Variants in MED13L observed in about 807,000 individuals in gnomAD.
MED13L encodes the protein mediator of RNA polymerase II transcription subunit 13-like.
In MED13L, 7 loss-of-function variants were observed where a neutral mutation model predicts 220.9. That is an observed-to-expected ratio of 0.03 (90% confidence interval 0.02 to 0.06). The LOEUF (loss-of-function observed/expected upper bound fraction) is 0.06, where lower values mean the gene tolerates loss of function less well. MED13L is among the 10% of genes least tolerant of loss of function. The pLI is 1.00. For synonymous variants in MED13L, 1,011 were observed against 1,015.2 expected (o/e 1.00, Z 0.08); for missense variants, 1,965 against 2,760.5 (o/e 0.71, Z 6.46).
At chr12:116,190,411 G>A (rs887626319) in intron 2 of MED13L, among the ~76,000 whole-genome samples, 4 of 152,288 alleles carry the variant, frequency 2.6e-5, no homozygotes, top group African/African-American at 9.6e-5. Context: ...CTTTGAAATA[G>A]TTTTCAAGTA....
At chr12:115,961,464 A>C (rs554800043) in intron 30 of MED13L, 66 bp from the exon 31 acceptor site, 1 of 1,591,478 alleles carries the variant, frequency 6.3e-7, no homozygotes, top group East Asian at 2.2e-5. Context: ...CTCAGATTCT[A>C]ATACATTCCA....
chr12:116,269,248 G>A (rs971134655), intron 1 of MED13L, among the ~76,000 whole-genome samples: 1 of 151,728 alleles, frequency 6.6e-6, no homozygotes, highest in African/African-American at 2.4e-5. Context: ...CAGTAGAGAC[G>A]GGGTTTCACC....
intron 2 of MED13L, among the ~76,000 whole-genome samples, chr12:116,117,576 T>G (rs914026421): frequency 6.6e-6 from 1 of 151,950 alleles, no homozygotes; most frequent in African/African-American, 2.4e-5. Context: ...TCAAAAGGAC[T>G]CCTACTCTAA....
At position 116,214,113 on chromosome 12, in the gene MED13L, CTAA is replaced by C. The variant is rs1306937280; in HGVS notation, c.310+23352_310+23354del. On this transcript the variant is annotated intron_variant, in intron 2 of 30. Transcript: ENST00000281928. ...AGCCATTTTCCTGTACTCTGCTGCT[CTAA>C]TACACTTGCTTTGCTTTCACTTAAA... is the stretch of plus-strand genomic sequence containing the variant. 5.3e-5 allele frequency among the ~76,000 whole-genome samples: 8 copies of C among 152,320 alleles called. No individual in the cohort carries two copies. The East Asian group carries it at 1.5e-3, about 29-fold the overall frequency.
At position 116,022,734 on chromosome 12, in the gene MED13L, GAGAAACTTCTAATTCAGTA is replaced by G. The variant is rs1880135135; in HGVS notation, c.480-152_480-134del. On this transcript the variant is annotated intron_variant, in intron 4 of 30. Transcript: ENST00000281928. ...GGCTGACTTCTAATTGTGGGCAAAA[GAGAAACTTCTAATTCAGTA>G]TTGACAAACTAAGCCATCAGATAAA... 9.6e-6 allele frequency: 9 copies of G among 938,132 alleles called. No individual in the cohort carries two copies. In the Admixed American group the frequency reaches 1.8e-4, roughly 19 times the overall value. The allele number at this position is 938,132 out of a possible 1,614,324, so 58.1% of individuals were successfully genotyped here. A position where few individuals can be genotyped will look rare whatever the true frequency, so the allele number is the denominator to read the frequency against.
intron 2 of MED13L, among the ~76,000 whole-genome samples, chr12:116,116,868 T>A (rs1874568773): frequency 6.7e-6 from 1 of 148,852 alleles, no homozygotes; most frequent in African/African-American, 2.5e-5. Context: ...TGAGAGTACA[T>A]GAGAAAAAGA....
At chr12:116,237,822 T>C in intron 1 of MED13L, 117 bp from the exon 2 acceptor site, 2 of 894,556 alleles carry the variant, frequency 2.2e-6, no homozygotes, top group African/African-American at 1.7e-5. Flanking sequence ...AAACTTCATA[T>C]CATAAGATTC....
At chr12:116,191,091 CAAA>C (rs558125739) in intron 2 of MED13L, among the ~76,000 whole-genome samples, 1 of 65,986 alleles carries the variant, frequency 1.5e-5, no homozygotes, top group Non-Finnish European at 3.3e-5. Flanking sequence ...GACTCTGTCT[CAAA>C]AAAAAAAAAA....
intron 26 of MED13L, among the ~76,000 whole-genome samples, chr12:115,971,827 G>T (rs1876605743): frequency 6.6e-6 from 1 of 152,150 alleles, no homozygotes; most frequent in African/African-American, 2.4e-5. Flanking sequence ...ACAGTCATTA[G>T]CCATGACTCT....
At chr12:116,104,249 A>G (rs559518711) in intron 3 of MED13L, among the ~76,000 whole-genome samples, 1 of 151,906 alleles carries the variant, frequency 6.6e-6, no homozygotes, top group African/African-American at 2.4e-5. Flanking sequence ...ACCTCAGGTG[A>G]TCCACCTGTC....
intron 5 of MED13L, 133 bp from the exon 6 acceptor site, chr12:116,020,105 TAA>T: frequency 1.2e-6 from 1 of 844,570 alleles, no homozygotes; most frequent in East Asian, 2.7e-5. Context: ...TAACTCTATT[TAA>T]AGTATGATTT....
chr12:116,171,901 G>A (rs965852557), intron 2 of MED13L, among the ~76,000 whole-genome samples: 1 of 152,120 alleles, frequency 6.6e-6, no homozygotes, highest in African/African-American at 2.4e-5. Context: ...GACATACACA[G>A]ACTAATGATA....
At chr12:116,156,434 C>T (rs1172331495) in intron 2 of MED13L, among the ~76,000 whole-genome samples, 1 of 147,168 alleles carries the variant, frequency 6.8e-6, no homozygotes, top group African/African-American at 2.5e-5. Flanking sequence ...CTTTTATAGT[C>T]CAAAATGAAG....
chr12:116,059,268 C>T (rs1040710369), intron 4 of MED13L, among the ~76,000 whole-genome samples: 1 of 152,132 alleles, frequency 6.6e-6, no homozygotes, highest in African/African-American at 2.4e-5. Context: ...TTGTGTTGCT[C>T]AGGCTGGTCT....
chr12:116,008,335 G>A, intron 10 of MED13L, 66 bp downstream of exon 10: 2 of 1,530,044 alleles, frequency 1.3e-6, no homozygotes, highest in South Asian at 2.6e-5. Flanking sequence ...AGTTTAGCAG[G>A]TAGAGATGGG....
chr12:116,030,140 G>A (rs1880648204), intron 4 of MED13L, among the ~76,000 whole-genome samples: 1 of 152,040 alleles, frequency 6.6e-6, no homozygotes, highest in Admixed American at 6.6e-5. Flanking sequence ...GCTAATTTTT[G>A]TATTTTTCGT....
chr12:116,254,940 A>C (rs1380384383), intron 1 of MED13L, among the ~76,000 whole-genome samples: 3 of 152,238 alleles, frequency 2.0e-5, no homozygotes, highest in Admixed American at 1.3e-4. Flanking sequence ...CATGAACTGA[A>C]AGATTTAAAA....
chr12:116,214,459 T>C (rs895232090), intron 2 of MED13L, among the ~76,000 whole-genome samples: 1 of 152,064 alleles, frequency 6.6e-6, no homozygotes, highest in Non-Finnish European at 1.5e-5. Flanking sequence ...GAAGACCTAT[T>C]TCAAAGGCTG....
chr12:116,037,621 G>A (rs1185574250), intron 4 of MED13L, among the ~76,000 whole-genome samples: 1 of 152,174 alleles, frequency 6.6e-6, no homozygotes, highest in East Asian at 1.9e-4. Context: ...TTCTCTGGCA[G>A]TAAGTTTGAC....
Sources: allele counts gnomAD v4.1 joint callset (sites outside exome capture counted in the v4.1 genomes callset), GRCh38; gene constraint gnomAD v4.1.1; transcripts MANE v1.5; gene names NCBI Gene and HGNC (gene_info 2026-07-23, HGNC 2026-07-21).